QTMAN: variants seen among roughly 807,000 people sequenced by gnomAD.
QTMAN encodes the protein queuosine-tRNA mannosyltransferase.
the QTMAN span, among the ~76,000 whole-genome samples, chr2:144,325,500 T>C: frequency 1.1e-4 from 16 of 147,272 alleles, no homozygotes; most frequent in East Asian, 2.4e-3. Flanking sequence ...AACAGATATA[T>C]AGAAAAAGAA....
At chr2:144,165,018 A>G in the QTMAN span, among the ~76,000 whole-genome samples, 1 of 152,102 alleles carries the variant, frequency 6.6e-6, no homozygotes, top group Non-Finnish European at 1.5e-5. Flanking sequence ...TTTTAAAAAG[A>G]CTTTGGTTGG....
At chr2:144,301,445 A>C in the QTMAN span, among the ~76,000 whole-genome samples, 1 of 151,362 alleles carries the variant, frequency 6.6e-6, no homozygotes, top group Non-Finnish European at 1.5e-5. Context: ...CTGGTCTCAA[A>C]CTCCTGACCT....
the QTMAN span, among the ~76,000 whole-genome samples, chr2:143,970,091 GCT>G: frequency 6.6e-6 from 1 of 152,150 alleles, no homozygotes; most frequent in Admixed American, 6.5e-5. Flanking sequence ...GAAGGAAATG[GCT>G]CTTTGAAAAG....
At chr2:144,066,097 T>C in the QTMAN span, among the ~76,000 whole-genome samples, 3 of 152,214 alleles carry the variant, frequency 2.0e-5, no homozygotes, top group African/African-American at 7.2e-5. Flanking sequence ...TGGATTCTTG[T>C]AGACTCCTTT....
the QTMAN span, among the ~76,000 whole-genome samples, chr2:144,018,807 T>C: frequency 6.6e-6 from 1 of 152,114 alleles, no homozygotes; most frequent in South Asian, 2.1e-4. Flanking sequence ...ATGTGGTAGG[T>C]GCTTCAATCA....
At chr2:144,246,657 C>T in the QTMAN span, among the ~76,000 whole-genome samples, 2 of 151,122 alleles carry the variant, frequency 1.3e-5, no homozygotes, top group Non-Finnish European at 1.5e-5. Flanking sequence ...AATATAGAGT[C>T]TCAATTTACT....
the QTMAN span, among the ~76,000 whole-genome samples, chr2:143,995,859 G>A: frequency 1.8e-4 from 28 of 152,040 alleles, no homozygotes; most frequent in Non-Finnish European, 3.2e-4. Context: ...AAATCTCCAC[G>A]TGTCTAGAAG....
the QTMAN span, among the ~76,000 whole-genome samples, chr2:144,164,406 TATTAA>T: frequency 6.6e-6 from 1 of 152,148 alleles, no homozygotes; most frequent in Non-Finnish European, 1.5e-5. Context: ...CCATTATTAT[TATTAA>T]ATTGTTTTGG....
chr2:144,223,627 C>T, the QTMAN span, among the ~76,000 whole-genome samples: 1 of 152,160 alleles, frequency 6.6e-6, no homozygotes, highest in Admixed American at 6.5e-5. Flanking sequence ...GATTTGATAA[C>T]CAACTTTTTT....
chr2:144,197,075 C>T, the QTMAN span, among the ~76,000 whole-genome samples: 1 of 152,158 alleles, frequency 6.6e-6, no homozygotes, highest in East Asian at 1.9e-4. Context: ...ACTACACCCC[C>T]ATGCTATATT....
the QTMAN span, among the ~76,000 whole-genome samples, chr2:144,298,180 A>G: frequency 6.6e-6 from 1 of 150,688 alleles, no homozygotes; most frequent in Non-Finnish European, 1.5e-5. Context: ...CACCACACCC[A>G]GCTAATTTTT....
chr2:144,135,300 A>C, the QTMAN span, among the ~76,000 whole-genome samples: 2 of 152,158 alleles, frequency 1.3e-5, no homozygotes, highest in African/African-American at 4.8e-5. Flanking sequence ...TCCATCCTTA[A>C]CATCTAATGT....
chr2:144,005,050 A>G, the QTMAN span, among the ~76,000 whole-genome samples: 2 of 151,996 alleles, frequency 1.3e-5, no homozygotes, highest in Non-Finnish European at 2.9e-5. Flanking sequence ...CTGTACAACA[A>G]ATAGCTATCA....
the QTMAN span, among the ~76,000 whole-genome samples, chr2:144,246,398 C>T: frequency 6.6e-6 from 1 of 150,402 alleles, no homozygotes; most frequent in Admixed American, 6.6e-5. Context: ...AAGGTGAAAC[C>T]CCGTCTCTAC....
At chr2:144,204,830 C>T in the QTMAN span, among the ~76,000 whole-genome samples, 1 of 152,048 alleles carries the variant, frequency 6.6e-6, no homozygotes, top group Non-Finnish European at 1.5e-5. Flanking sequence ...ATGATGAGTT[C>T]ATGTCCTTTG....
the QTMAN span, among the ~76,000 whole-genome samples, chr2:144,220,004 ATCT>A: frequency 2.0e-5 from 3 of 152,102 alleles, no homozygotes; most frequent in Admixed American, 2.0e-4. Flanking sequence ...ATTTTTAATA[ATCT>A]TCTGATTTGC....
At chr2:144,220,881 C>T in the QTMAN span, among the ~76,000 whole-genome samples, 1 of 152,206 alleles carries the variant, frequency 6.6e-6, no homozygotes, top group African/African-American at 2.4e-5. Context: ...CTATTATCCT[C>T]TTGCATTACC....
At chr2:144,223,128 T>G in the QTMAN span, among the ~76,000 whole-genome samples, 1 of 152,188 alleles carries the variant, frequency 6.6e-6, no homozygotes, top group African/African-American at 2.4e-5. Flanking sequence ...ACTCTGTTCC[T>G]GGAATTGTTT....
chr2:144,059,182 C>A, the QTMAN span, among the ~76,000 whole-genome samples: 1 of 152,146 alleles, frequency 6.6e-6, no homozygotes, highest in Non-Finnish European at 1.5e-5. Context: ...TTGTTTTATT[C>A]CAGAACATGC....
Sources: allele counts gnomAD v4.1 joint callset (sites outside exome capture counted in the v4.1 genomes callset), GRCh38; gene constraint gnomAD v4.1.1; transcripts MANE v1.5; gene names NCBI Gene and HGNC (gene_info 2026-07-23, HGNC 2026-07-21).